Variants in CRYBG1 observed in about 807,000 individuals in gnomAD.
CRYBG1 encodes the protein crystallin beta-gamma domain containing 1.
CRYBG1 carries 139 observed loss-of-function variants against 189.2 expected under a neutral mutation model. That is an observed-to-expected ratio of 0.73 (90% confidence interval 0.64 to 0.85). CRYBG1 has a LOEUF of 0.85. Among genes scored for constraint, CRYBG1 ranks in the 40% least tolerant of loss-of-function variants. CRYBG1 has a pLI of 0.00. For synonymous variants in CRYBG1, 1,023 were observed against 1,017.1 expected (o/e 1.01, Z -0.11); for missense variants, 2,611 against 2,675.8 (o/e 0.98, Z 0.53).
chr6:106,482,154 T>C (rs1451131021), intron 2 of CRYBG1, among the ~76,000 whole-genome samples: 1 of 152,248 alleles, frequency 6.6e-6, no homozygotes, highest in Non-Finnish European at 1.5e-5. Flanking sequence ...CCTCACGTAG[T>C]TGTTGGCAGA....
chr6:106,539,652 C>T, intron 9 of CRYBG1, 123 bp downstream of exon 9: 1 of 1,063,666 alleles, frequency 9.4e-7, no homozygotes, highest in Non-Finnish European at 1.3e-6. Context: ...TAGATTGGAC[C>T]TATTGCTCAA....
intron 9 of CRYBG1, 38 bp from the exon 10 acceptor site, chr6:106,541,548 G>T: frequency 6.3e-7 from 1 of 1,596,738 alleles, no homozygotes; most frequent in Non-Finnish European, 8.6e-7. Context: ...TAATGTATCA[G>T]TGAAAAACTA....
rs181094492 is a variant in CRYBG1 at position 106,507,174 on chromosome 6, G to T, written c.313-4256G>T. ...TATGATCTCGTGGATGGTTACATGT[G>T]CCCCTAATGAGCCACATTTCATATT... On this transcript the variant is annotated intron_variant, in intron 2 of 21. Transcript: ENST00000633556. Among the ~76,000 whole-genome samples the T allele has an allele frequency of 2.7e-3, 416 of 152,212 alleles. 1 individual carries two copies. The highest frequency in any genetic ancestry group is 4.0e-3 in the Non-Finnish European group (273 of 68,012).
chr6:106,440,293 C>G (rs191674877), intron 1 of CRYBG1, among the ~76,000 whole-genome samples: 1,761 of 151,126 alleles, frequency 0.012, 15 homozygotes, highest in Non-Finnish European at 0.017. Flanking sequence ...GAGACAGAGT[C>G]TCTCTCTGTC....
At chr6:106,557,728 C>T (rs1013311412) in intron 17 of CRYBG1, among the ~76,000 whole-genome samples, 2 of 152,176 alleles carry the variant, frequency 1.3e-5, no homozygotes, top group East Asian at 1.9e-4. Context: ...CCACCATGCC[C>T]GGCCTCCCAC....
intron 2 of CRYBG1, among the ~76,000 whole-genome samples, chr6:106,493,806 G>A (rs747657760): frequency 6.6e-6 from 1 of 152,132 alleles, no homozygotes; most frequent in Admixed American, 6.5e-5. Flanking sequence ...CCTGTCAGCA[G>A]GGGAGGGGAA....
intron 8 of CRYBG1, among the ~76,000 whole-genome samples, chr6:106,537,724 G>A (rs1043442124): frequency 6.6e-6 from 1 of 152,168 alleles, no homozygotes; most frequent in African/African-American, 2.4e-5. Context: ...GCAGAAACCC[G>A]TTTCTTTCAT....
At chr6:106,494,243 G>C (rs1030994148) in intron 2 of CRYBG1, among the ~76,000 whole-genome samples, 7 of 152,290 alleles carry the variant, frequency 4.6e-5, no homozygotes, top group Admixed American at 3.9e-4. Context: ...GGGCAGAGGA[G>C]AATGGGAGTT....
In CRYBG1 at chr6:106,361,059, C is replaced by G. The variant is rs961828283; in HGVS notation, c.151C>G (p.Pro51Ala). ...DCGVFVPHPL[P>A]APAGEARALD... is the part of the protein sequence containing the mutation. The stretch of plus-strand genomic sequence containing the variant: ...TGGGGTGTTCGTTCCGCACCCGCTC[C>G]CGGCGCCTGCCGGAGAGGCCAGGTG... Residue 51 changes from proline to alanine, a missense_variant, in exon 1 of 22, where the codon CCG becomes GCG. This residue lies in a region of CRYBG1 where 985 missense variants were observed against 924.4 expected (regional missense o/e 1.07). Coordinates refer to ENST00000633556, the MANE Select transcript of CRYBG1 (RefSeq NM_001371242.2). 2 of 1,534,986 alleles carry G rather than the reference C, an allele frequency of 1.3e-6. No individual in the cohort carries two copies. The highest frequency in any genetic ancestry group is 2.7e-5 in the African/African-American group (2 of 73,034).
At chr6:106,383,458 G>A (rs1297163770) in intron 1 of CRYBG1, among the ~76,000 whole-genome samples, 4 of 152,182 alleles carry the variant, frequency 2.6e-5, no homozygotes, top group Non-Finnish European at 4.4e-5. Flanking sequence ...CTTATCCTTT[G>A]CTTAAGTGAT....
chr6:106,412,847 G>T (rs1430402382), intron 1 of CRYBG1, among the ~76,000 whole-genome samples: 2 of 151,602 alleles, frequency 1.3e-5, no homozygotes, highest in Non-Finnish European at 2.9e-5. Context: ...TGAAAAGGCT[G>T]CAGGAGAGCC....
intron 20 of CRYBG1, 144 bp from the exon 21 acceptor site, chr6:106,563,620 G>A: frequency 1.5e-6 from 1 of 667,898 alleles, no homozygotes; most frequent in South Asian, 2.5e-5. Context: ...GATTCTAGTT[G>A]GCTAAGAGCT....
At chr6:106,517,216 G>A (rs1362917900) in intron 3 of CRYBG1, among the ~76,000 whole-genome samples, 1 of 149,688 alleles carries the variant, frequency 6.7e-6, no homozygotes, top group Non-Finnish European at 1.5e-5. Flanking sequence ...TCAGTATGTT[G>A]CCCAGGCTGG....
chr6:106,450,352 A>G (rs534385716), intron 1 of CRYBG1, among the ~76,000 whole-genome samples: 1 of 152,166 alleles, frequency 6.6e-6, no homozygotes, highest in Admixed American at 6.5e-5. Context: ...TCCTCTTTAT[A>G]TCCTTGCAAC....
intron 1 of CRYBG1, among the ~76,000 whole-genome samples, chr6:106,413,571 G>C (rs932566522): frequency 5.3e-5 from 8 of 152,076 alleles, no homozygotes; most frequent in Admixed American, 2.6e-4. Context: ...CAGCTACCTG[G>C]GAGGCTGAGG....
chr6:106,384,031 T>G (rs1770337867), intron 1 of CRYBG1, among the ~76,000 whole-genome samples: 3 of 152,230 alleles, frequency 2.0e-5, no homozygotes, highest in Admixed American at 2.0e-4. Flanking sequence ...GTGTTGGCCA[T>G]GCAGGTACCA....
intron 2 of CRYBG1, among the ~76,000 whole-genome samples, chr6:106,496,900 G>C (rs1772863904): frequency 1.3e-5 from 2 of 152,218 alleles, no homozygotes; most frequent in South Asian, 4.1e-4. Context: ...GGTGTAATCA[G>C]GACTAGAGCA....
chr6:106,485,717 T>C (rs1334114811), intron 2 of CRYBG1, among the ~76,000 whole-genome samples: 1 of 152,236 alleles, frequency 6.6e-6, no homozygotes, highest in African/African-American at 2.4e-5. Flanking sequence ...TCAACTGCTT[T>C]TTCTAAATCT....
At position 106,560,680 on chromosome 6, in the gene CRYBG1, C is replaced by A. The variant is rs1417814168; in HGVS notation, c.5856-123C>A. 38 of 1,162,532 alleles carry A rather than the reference C, an allele frequency of 3.3e-5. 1 individual carries two copies. Among genetic ancestry groups the A allele is most frequent in the Non-Finnish European group, 4.2e-5 (36 of 863,638 alleles). 72.0% of individuals were successfully genotyped at this position (1,162,532 alleles called of 1,614,324 possible). On this transcript the variant is annotated intron_variant, in intron 18 of 21. Transcript: ENST00000633556. ...AAGTGTTCTAGAAAAGATCATTTTTCCCCCAATGTATGTTAAAAGTATATA... is the reference window on the plus strand; with the variant it reads ...AAGTGTTCTAGAAAAGATCATTTTTACCCCAATGTATGTTAAAAGTATATA...
Sources: gnomAD v4.1 joint callset for allele counts (sites outside exome capture counted in the v4.1 genomes callset) on GRCh38, gnomAD v4.1.1 for gene constraint, gnomAD v4.1.1 regional missense constraint, MANE v1.5 for transcripts, NCBI Gene and HGNC (gene_info 2026-07-23, HGNC 2026-07-21) for gene names.